INTS14: variants seen among roughly 807,000 people sequenced by gnomAD.
INTS14 encodes integrator complex subunit 14, also known as UPF0464 protein C15orf44.
INTS14 carries 27 observed loss-of-function variants against 56.9 expected under a neutral mutation model. The ratio of observed to expected loss-of-function variants is 0.47; its 90% CI spans 0.35 to 0.65. The LOEUF (loss-of-function observed/expected upper bound fraction) is 0.65. Among genes scored for constraint, INTS14 ranks in the 30% least tolerant of loss-of-function variants. The probability of loss-of-function intolerance (pLI) is 0.00; values close to 1 mark genes in which losing one functional copy is unlikely to be tolerated. For synonymous variants in INTS14, 207 were observed against 236.2 expected (o/e 0.88, Z 1.13); for missense variants, 517 against 632.2 (o/e 0.82, Z 1.95).
chr15:65,594,615 G>C (rs2073149447), intron 7 of INTS14, among the ~76,000 whole-genome samples: 2 of 150,052 alleles, frequency 1.3e-5, no homozygotes, highest in African/African-American at 4.9e-5. Context: ...TGTTAGTCAG[G>C]ATGGTCTCAA....
chr15:65,599,990 T>A lies in INTS14; in HGVS notation c.331-61A>T, dbSNP rs1409817754. Reference sequence around the variant, plus strand: ...AAATTACATATTTAACGCAGTCCCATTTAGCAGTGTTTTCACTGCTAGAAA... The same window carrying A: ...AAATTACATATTTAACGCAGTCCCAATTAGCAGTGTTTTCACTGCTAGAAA... On this transcript the variant is annotated intron_variant, in intron 3 of 11. Coordinates refer to ENST00000313182, the MANE Select transcript of INTS14 (RefSeq NM_001394796.1). 4 of 1,535,122 alleles carry A rather than the reference T, an allele frequency of 2.6e-6. No homozygotes were observed. In the African/African-American group the frequency reaches 5.5e-5, roughly 21 times the overall value.
At chr15:65,610,895 G>C in intron 1 of INTS14, 1 of 1,480,804 alleles carries the variant, frequency 6.8e-7, no homozygotes, top group Non-Finnish European at 8.9e-7. Flanking sequence ...AGTTTACGCG[G>C]AGCTGGGGAC....
At chr15:65,600,092 C>G (rs1443390056) in intron 3 of INTS14, among the ~76,000 whole-genome samples, 163 bp from the exon 4 acceptor site, 1 of 151,312 alleles carries the variant, frequency 6.6e-6, no homozygotes, top group Non-Finnish European at 1.5e-5. Flanking sequence ...ACTGCTTAAG[C>G]CTAGGAGTTT....
At chr15:65,581,802 AG>A (rs71447851) in intron 11 of INTS14, 151 bp downstream of exon 11, 18,601 of 731,370 alleles carry the variant, frequency 0.025, 863 homozygotes, top group Admixed American at 0.19. Flanking sequence ...ATTTTAGGGA[AG>A]GAACAGACCT....
intron 9 of INTS14, among the ~76,000 whole-genome samples, chr15:65,586,022 T>C (rs982141325): frequency 2.0e-5 from 3 of 152,186 alleles, no homozygotes; most frequent in Non-Finnish European, 4.4e-5. Context: ...TTTCCAACTT[T>C]CCTGCTATTT....
At position 65,579,628 on chromosome 15, in the gene INTS14, G is replaced by C. The variant is rs2072511413; in HGVS notation, c.1337C>G (p.Ala446Gly). 6.2e-7 allele frequency: 1 copy of C among 1,613,902 alleles called. No homozygotes were observed. The highest frequency in any genetic ancestry group is 1.3e-5 in the African/African-American group (1 of 74,922). ...ELNRLRKAAL[A>G]FGFLDLLKGV... Reference sequence around the variant, plus strand: ...TTTCAGCAGGTCCAGGAAACCAAAGGCTAGAGCGGCCTTTCGCAAACGGTT... The same window carrying C: ...TTTCAGCAGGTCCAGGAAACCAAAGCCTAGAGCGGCCTTTCGCAAACGGTT... Residue 446 changes from alanine (A) to glycine (G), a missense_variant, in exon 12 of 12, where the codon GCC becomes GGC. By Grantham distance (60) the Ala-to-Gly change is moderately conservative. Transcript: ENST00000313182.
At chr15:65,600,654 C>CAA (rs201916909) in intron 3 of INTS14, among the ~76,000 whole-genome samples, 1 of 114,494 alleles carries the variant, frequency 8.7e-6, no homozygotes. Context: ...CCTGGCCCCG[C>CAA]AAAAAAAAAA....
At chr15:65,610,487 AAAC>A (rs1354516246) in intron 1 of INTS14, among the ~76,000 whole-genome samples, 1 of 127,446 alleles carries the variant, frequency 7.8e-6, no homozygotes, top group Non-Finnish European at 1.5e-5. Flanking sequence ...TGTACTGTTC[AAAC>A]AACTAGGGCT....
intron 1 of INTS14, 64 bp downstream of exon 1, chr15:65,611,034 C>G (rs1198961980): frequency 1.3e-6 from 2 of 1,534,796 alleles, no homozygotes; most frequent in Non-Finnish European, 1.7e-6. Flanking sequence ...CACCCATAAC[C>G]CCTTCACCTG....
intron 5 of INTS14, 176 bp downstream of exon 5, chr15:65,598,696 G>C (rs2073308377): frequency 2.9e-6 from 2 of 693,860 alleles, no homozygotes; most frequent in Non-Finnish European, 2.4e-6. Flanking sequence ...AGTATCTACA[G>C]ACAGTATAGA....
At chr15:65,600,187 T>C (rs1272004131) in intron 3 of INTS14, among the ~76,000 whole-genome samples, 2 of 151,972 alleles carry the variant, frequency 1.3e-5, no homozygotes, top group African/African-American at 4.8e-5. Context: ...GGCATGCACC[T>C]GTGGTCCCAG....
intron 6 of INTS14, among the ~76,000 whole-genome samples, chr15:65,596,629 G>A (rs1483680387): frequency 6.6e-6 from 1 of 152,044 alleles, no homozygotes; most frequent in Non-Finnish European, 1.5e-5. Context: ...GGAGTGCAAT[G>A]GCGCAATCTC....
chr15:65,591,046 T>C (rs2073008253), intron 9 of INTS14, among the ~76,000 whole-genome samples: 1 of 152,060 alleles, frequency 6.6e-6, no homozygotes, highest in Non-Finnish European at 1.5e-5. Flanking sequence ...CAGGTAAGAC[T>C]AGAGTTATAG....
intron 1 of INTS14, among the ~76,000 whole-genome samples, chr15:65,608,362 C>T (rs28370307): frequency 1.1e-5 from 1 of 91,690 alleles, no homozygotes; most frequent in Non-Finnish European, 1.9e-5. Flanking sequence ...AAGGCTCCAT[C>T]TCAAAAAAAA....
Position 65,597,565 on chromosome 15 carries a change from T to C in INTS14, c.748+756A>G, listed in dbSNP as rs191689974. On this transcript the variant is annotated intron_variant, in intron 6 of 11. Coordinates refer to ENST00000313182, the MANE Select transcript of INTS14 (RefSeq NM_001394796.1). The stretch of plus-strand genomic sequence containing the variant: ...CCAGGTAAAAGCTGTGGTACATCAC[T>C]TTCTTTCAGTCATAATATAAGCAGC... Among the ~76,000 whole-genome samples, 193 of 152,330 alleles carry C rather than the reference T, an allele frequency of 1.3e-3. 2 individuals carry two copies. The highest frequency in any genetic ancestry group is 2.5e-3 in the Admixed American group (38 of 15,300).
rs2072750127 is a variant in INTS14 at position 65,584,632 on chromosome 15, C to A, written c.1239+138G>T. The stretch of plus-strand genomic sequence containing the variant: ...GTTTTACTGTAGGGCATCTCAAATC[C>A]CTTTTGGAAATAATGACAAACATTA... On this transcript the variant is annotated intron_variant, in intron 10 of 11. Coordinates refer to ENST00000313182, the MANE Select transcript of INTS14 (RefSeq NM_001394796.1). 8 of 690,152 alleles carry A rather than the reference C, an allele frequency of 1.2e-5. No individual in the cohort carries two copies. The East Asian group carries it at 2.0e-4, about 17-fold the overall frequency. 42.8% of individuals were successfully genotyped at this position (690,152 alleles called of 1,614,324 possible). A position where few individuals can be genotyped will look rare whatever the true frequency, so the allele number is the denominator to read the frequency against.
At chr15:65,582,164 G>A (rs773659594) in intron 10 of INTS14, 145 bp from the exon 11 acceptor site, 29 of 708,408 alleles carry the variant, frequency 4.1e-5, no homozygotes, top group Middle Eastern at 3.9e-4. Flanking sequence ...CTGAGTTAAT[G>A]TCAGTTCAAC....
rs146661331 is a variant in INTS14 at position 65,605,232 on chromosome 15, G to C, written c.227C>G (p.Ala76Gly). The change falls in exon 3 of 12, where the codon GCA (alanine) becomes GGA (glycine). Residue 76 changes from alanine to glycine, a missense_variant. Transcript: ENST00000313182. ...FTRDYNTLQE[A>G]LSNMDDYDKT... ...GTCATAATCATCCATATTACTTAGT[G>C]CTTCCTTATTGAATAAAAGATAAAA... is the stretch of plus-strand genomic sequence containing the variant. The C allele has an allele frequency of 2.7e-5, 43 of 1,610,450 alleles. No individual in the cohort carries two copies. Among genetic ancestry groups the C allele is most frequent in the Non-Finnish European group, 3.4e-5 (40 of 1,177,044 alleles).
chr15:65,600,014 A>T (rs1356839432), intron 3 of INTS14, 85 bp from the exon 4 acceptor site: 2 of 1,427,106 alleles, frequency 1.4e-6, no homozygotes, highest in African/African-American at 2.8e-5. Flanking sequence ...CACTGCTAGA[A>T]AGGGGCACCA....
Sources: allele counts gnomAD v4.1 joint callset (sites outside exome capture counted in the v4.1 genomes callset), GRCh38; gene constraint gnomAD v4.1.1; transcripts MANE v1.5; gene names NCBI Gene and HGNC (gene_info 2026-07-23, HGNC 2026-07-21).